The following TRIM14 variants were observed in gnomAD, a reference collection of about 807,000 sequenced individuals.
TRIM14 encodes tripartite motif containing 14.
In TRIM14, 28 loss-of-function variants were observed where a neutral mutation model predicts 44.5. The observed-to-expected ratio is 0.63, with a 90% CI of 0.47 to 0.86. The LOEUF is 0.86. TRIM14 is among the 40% of genes least tolerant of loss of function. The probability of loss-of-function intolerance (pLI) is 0.00; values close to 1 mark genes in which losing one functional copy is unlikely to be tolerated. For missense variants in TRIM14, 607 were observed against 611.1 expected (o/e 0.99, Z 0.07); for synonymous variants, 299 against 269.2 (o/e 1.11, Z -1.08).
At chr9:98,044,967 G>T in the TRIM14 span, among the ~76,000 whole-genome samples, 2 of 152,034 alleles carry the variant, frequency 1.3e-5, no homozygotes, top group Non-Finnish European at 2.9e-5. Context: ...CAAAAAATTA[G>T]CTGGGTATGA....
chr9:98,099,830 T>C (rs1826322448), intron 3 of TRIM14, 101 bp downstream of exon 3: 1 of 1,007,516 alleles, frequency 9.9e-7, no homozygotes, highest in Non-Finnish European at 1.5e-6. Context: ...CAATAGTCCA[T>C]GTACTTGCTT....
the TRIM14 span, among the ~76,000 whole-genome samples, chr9:98,046,586 C>T: frequency 1.3e-5 from 2 of 152,028 alleles, no homozygotes; most frequent in Non-Finnish European, 2.9e-5. Context: ...GGATTACAGG[C>T]ATGCGCCACC....
At chr9:98,053,065 A>G in the TRIM14 span, among the ~76,000 whole-genome samples, 613 of 152,372 alleles carry the variant, frequency 4.0e-3, 9 homozygotes, top group African/African-American at 0.013. Context: ...AAGAATCAAT[A>G]AATGGCAAAA....
Position 98,084,368 on chromosome 9 carries a change from T to G in TRIM14, c.*3102A>C, listed in dbSNP as rs1825687352. The G allele has an allele frequency of 6.6e-6, 1 of 152,250 alleles. No homozygotes were observed. Among genetic ancestry groups the G allele is most frequent in the African/African-American group, 2.4e-5 (1 of 41,452 alleles). The allele number at this position is 152,250 out of a possible 1,614,324, so 9.4% of individuals were successfully genotyped here. On this transcript the variant is annotated 3_prime_UTR_variant, in exon 6 of 6. Transcript: ENST00000341469. ...AAGACCATGGTTAAAAGGGACATTA[T>G]TCACATTTTATTAAACCAAATATTA...
chr9:98,061,212 C>T, the TRIM14 span: 14 of 554,044 alleles, frequency 2.5e-5, no homozygotes, highest in East Asian at 1.8e-4. Flanking sequence ...CTTGATGGCT[C>T]ACACCTGTAA....
At chr9:98,089,307 A>C (rs1402866996) in intron 5 of TRIM14, among the ~76,000 whole-genome samples, 1 of 151,890 alleles carries the variant, frequency 6.6e-6, no homozygotes, top group African/African-American at 2.4e-5. Flanking sequence ...CTCCCTAGTA[A>C]CTAGGATTAC....
chr9:98,078,132 T>C lies in TRIM14; in HGVS notation c.*29-8445A>G, dbSNP rs540471748. The C allele has an allele frequency of 3.7e-6, 6 of 1,607,284 alleles. No homozygotes were observed. In the South Asian group the frequency reaches 4.4e-5, roughly 12 times the overall value. ...TGATGAGACCAGCAGTTGGGATGTG[T>C]TGGGGAGAGTCAGAACCTCTAAAGA... On this transcript the variant is annotated intron_variant, in intron 6 of 6. Transcript: ENST00000375098.
intron 1 of TRIM14, among the ~76,000 whole-genome samples, chr9:98,111,407 T>A (rs1826849271): frequency 6.7e-6 from 1 of 149,948 alleles, no homozygotes; most frequent in South Asian, 2.1e-4. Flanking sequence ...ACCCCATTTT[T>A]ACCAAAAAAC....
At chr9:98,056,511 A>G in the TRIM14 span, among the ~76,000 whole-genome samples, 1 of 152,046 alleles carries the variant, frequency 6.6e-6, no homozygotes, top group Non-Finnish European at 1.5e-5. Flanking sequence ...GGATACCGCG[A>G]TGGTCCGAGA....
intron 6 of TRIM14, among the ~76,000 whole-genome samples, chr9:98,073,195 C>T (rs1473630803): frequency 1.3e-5 from 2 of 151,356 alleles, no homozygotes; most frequent in African/African-American, 4.8e-5. Flanking sequence ...CAGGCTGCTG[C>T]CCTGAGGCTG....
intron 4 of TRIM14, chr9:98,092,425 G>GC (rs551613883): frequency 0.01 from 3,166 of 314,348 alleles, 22 homozygotes; most frequent in South Asian, 0.015. Flanking sequence ...TGCCTGGACA[G>GC]CCCCCCCACA....
intron 2 of TRIM14, 51 bp from the exon 3 acceptor site, chr9:98,100,215 C>A (rs1587959747): frequency 1.3e-6 from 2 of 1,515,064 alleles, no homozygotes; most frequent in Non-Finnish European, 1.8e-6. Flanking sequence ...ACCAGGAAAT[C>A]CAGAATAATC....
chr9:98,045,446 G>GT, the TRIM14 span, among the ~76,000 whole-genome samples: 4 of 152,218 alleles, frequency 2.6e-5, no homozygotes, highest in Non-Finnish European at 5.9e-5. Context: ...CAATTACTGA[G>GT]TTTTTGGCCA....
At chr9:98,093,395 C>G (rs1396739127) in intron 4 of TRIM14, among the ~76,000 whole-genome samples, 1 of 152,194 alleles carries the variant, frequency 6.6e-6, no homozygotes, top group Non-Finnish European at 1.5e-5. Flanking sequence ...TGTGTAAGAG[C>G]TCATTTAATC....
Position 98,087,335 on chromosome 9 carries a change from T to A in TRIM14, c.*135A>T, listed in dbSNP as rs779132010. On this transcript the variant is annotated 3_prime_UTR_variant, in exon 6 of 6. Transcript: ENST00000341469. ...ACCTTCAAAGCACTGTAGGCGTGAT[T>A]GGTCGGGGAAAGCTGGGGCAGGGAG... 6.0e-6 allele frequency: 8 copies of A among 1,341,938 alleles called. No homozygotes were observed. The highest frequency in any genetic ancestry group is 7.5e-6 in the Non-Finnish European group (7 of 932,560). 83.1% of individuals were successfully genotyped at this position (1,341,938 alleles called of 1,614,324 possible).
intron 2 of TRIM14, among the ~76,000 whole-genome samples, chr9:98,102,567 A>T (rs1826438627): frequency 6.6e-6 from 1 of 152,230 alleles, no homozygotes; most frequent in Non-Finnish European, 1.5e-5. Context: ...TCCCCAGTGA[A>T]TTAAGCCAGA....
the TRIM14 span, chr9:98,056,633 G>T: frequency 1.0e-6 from 1 of 990,536 alleles, no homozygotes; most frequent in Non-Finnish European, 1.4e-6. Context: ...CCCCCGCCCC[G>T]ATTGGCTGTC....
intron 2 of TRIM14, among the ~76,000 whole-genome samples, chr9:98,104,723 T>G (rs1331104684): frequency 6.6e-6 from 1 of 152,084 alleles, no homozygotes; most frequent in East Asian, 1.9e-4. Context: ...GTCTAAGGAC[T>G]GTGGAAGAGA....
the TRIM14 span, among the ~76,000 whole-genome samples, chr9:98,056,474 G>A: frequency 6.6e-6 from 1 of 150,414 alleles, no homozygotes; most frequent in Non-Finnish European, 1.5e-5. Context: ...CCTCCTGCAG[G>A]GAATGCTTGC....
Sources: allele counts gnomAD v4.1 joint callset (sites outside exome capture counted in the v4.1 genomes callset), GRCh38; gene constraint gnomAD v4.1.1; transcripts MANE v1.5; gene names NCBI Gene and HGNC (gene_info 2026-07-23, HGNC 2026-07-21).